The following LRRC7 variants were observed in gnomAD, a reference collection of about 807,000 sequenced individuals.
The protein encoded by LRRC7 is leucine-rich repeat-containing protein 7.
LRRC7 carries 23 observed loss-of-function variants against 175.7 expected under a neutral mutation model. That is an observed-to-expected ratio of 0.13 (90% CI 0.09 to 0.19). The LOEUF is 0.19. Among genes scored for constraint, LRRC7 ranks in the 10% least tolerant of loss-of-function variants. The pLI, the probability that LRRC7 is intolerant of heterozygous loss-of-function variation, is 1.00. For missense variants in LRRC7, 1,354 were observed against 1,904.7 expected (o/e 0.71, Z 5.38); for synonymous variants, 685 against 680.9 (o/e 1.01, Z -0.09).
intron 7 of LRRC7, among the ~76,000 whole-genome samples, chr1:69,860,061 T>C (rs1453641727): frequency 2.0e-5 from 3 of 152,192 alleles, no homozygotes; most frequent in African/African-American, 7.2e-5. Context: ...ATTCCTATTA[T>C]GTTTTTCTTT....
At chr1:69,635,434 G>T (rs1431511350) in intron 1 of LRRC7, among the ~76,000 whole-genome samples, 1 of 152,030 alleles carries the variant, frequency 6.6e-6, no homozygotes, top group Non-Finnish European at 1.5e-5. Flanking sequence ...AAAGGATAAT[G>T]CAGTTATTTT....
At chr1:70,107,880 C>T (rs1479609470) in intron 26 of LRRC7, 54 bp downstream of exon 26, 1 of 1,339,054 alleles carries the variant, frequency 7.5e-7, no homozygotes. Context: ...AAATATGTAA[C>T]CATGTTACCA....
chr1:69,642,116 A>G (rs1314956713), intron 1 of LRRC7, among the ~76,000 whole-genome samples: 4 of 151,964 alleles, frequency 2.6e-5, no homozygotes, highest in Non-Finnish European at 4.4e-5. Flanking sequence ...AAGCAATAAT[A>G]GTTTACAAGG....
chr1:69,948,033 G>A (rs886166899), intron 8 of LRRC7, among the ~76,000 whole-genome samples: 1 of 152,130 alleles, frequency 6.6e-6, no homozygotes, highest in African/African-American at 2.4e-5. Context: ...CAGGTGGGTA[G>A]TGGGTACAGC....
At chr1:69,695,916 C>T (rs1377570364) in intron 2 of LRRC7, among the ~76,000 whole-genome samples, 1 of 152,178 alleles carries the variant, frequency 6.6e-6, no homozygotes, top group East Asian at 1.9e-4. Context: ...ATCCTGGGTG[C>T]CCAAGCAGAA....
At chr1:69,809,911 G>T (rs1677617634) in intron 4 of LRRC7, among the ~76,000 whole-genome samples, 1 of 152,170 alleles carries the variant, frequency 6.6e-6, no homozygotes, top group Admixed American at 6.6e-5. Flanking sequence ...AGTATTGGAA[G>T]TTCTGGCCAG....
At chr1:70,061,584 T>A (rs1181591650) in intron 23 of LRRC7, among the ~76,000 whole-genome samples, 1 of 152,168 alleles carries the variant, frequency 6.6e-6, no homozygotes, top group African/African-American at 2.4e-5. Flanking sequence ...TTATAATTTT[T>A]AATTTAAAAA....
At chr1:69,652,954 G>C (rs1240171003) in intron 1 of LRRC7, among the ~76,000 whole-genome samples, 1 of 151,870 alleles carries the variant, frequency 6.6e-6, no homozygotes. Context: ...ACTCAAAATG[G>C]ATTAAAAATT....
chr1:69,665,466 C>CTT (rs1269760894), intron 1 of LRRC7, among the ~76,000 whole-genome samples: 1 of 151,976 alleles, frequency 6.6e-6, no homozygotes, highest in African/African-American at 2.4e-5. Context: ...CATGGAATAT[C>CTT]TTTCATTTTT....
rs947957385 is a variant in LRRC7 at position 69,860,345 on chromosome 1, A to G, written c.647+22062A>G. Among the ~76,000 whole-genome samples the G allele has an allele frequency of 7.9e-5, 12 of 151,998 alleles. No individual in the cohort carries two copies. In the East Asian group the frequency reaches 2.3e-3, roughly 29 times the overall value. On this transcript the variant is annotated intron_variant, in intron 7 of 26. Transcript: ENST00000651989. ...AACTCACAAAGTATAATTATAATAT[A>G]GGTACCATGATCAGTTCCCATTTTA...
At chr1:69,588,788 CTG>C (rs925088836) in intron 1 of LRRC7, among the ~76,000 whole-genome samples, 24 of 152,132 alleles carry the variant, frequency 1.6e-4, no homozygotes, top group African/African-American at 5.8e-4. Flanking sequence ...TTTATAGTCA[CTG>C]TCACAAATTC....
intron 7 of LRRC7, among the ~76,000 whole-genome samples, chr1:69,908,131 G>A (rs150451891): frequency 2.7e-4 from 41 of 151,986 alleles, no homozygotes; most frequent in East Asian, 1.9e-3. Flanking sequence ...TTTTTATTGC[G>A]TCTATTTCAT....
At chr1:69,732,170 A>G (rs1667645087) in intron 2 of LRRC7, among the ~76,000 whole-genome samples, 1 of 152,128 alleles carries the variant, frequency 6.6e-6, no homozygotes, top group Admixed American at 6.6e-5. Context: ...GCTAGTTTTT[A>G]AAATACTGAC....
intron 4 of LRRC7, among the ~76,000 whole-genome samples, chr1:69,824,124 A>G (rs972108552): frequency 3.9e-5 from 6 of 152,160 alleles, no homozygotes; most frequent in Non-Finnish European, 8.8e-5. Context: ...TTCTGCCTCC[A>G]TGTCCTGATT....
At chr1:69,704,441 A>G (rs1663768289) in intron 2 of LRRC7, among the ~76,000 whole-genome samples, 2 of 152,032 alleles carry the variant, frequency 1.3e-5, no homozygotes, top group South Asian at 2.1e-4. Context: ...CATCAATAAA[A>G]TAAGAAATAT....
chr1:70,060,509 G>A (rs890560463), intron 23 of LRRC7, among the ~76,000 whole-genome samples: 10 of 152,126 alleles, frequency 6.6e-5, no homozygotes, highest in Admixed American at 6.6e-4. Context: ...GGTCCCTTAT[G>A]TCAAAAGGTT....
chr1:69,994,516 C>T, intron 10 of LRRC7, 45 bp from the exon 11 acceptor site: 2 of 1,267,452 alleles, frequency 1.6e-6, no homozygotes, highest in Non-Finnish European at 2.3e-6. Context: ...CATTTCCTGT[C>T]ATAATCTGCT....
intron 25 of LRRC7, among the ~76,000 whole-genome samples, chr1:70,102,349 G>A (rs1664858248): frequency 6.6e-6 from 1 of 152,220 alleles, no homozygotes; most frequent in East Asian, 1.9e-4. Flanking sequence ...AGGTGCCAAT[G>A]TCCCCTTATT....
At chr1:69,881,848 C>A (rs150884186) in intron 7 of LRRC7, among the ~76,000 whole-genome samples, 8 of 150,304 alleles carry the variant, frequency 5.3e-5, no homozygotes, top group African/African-American at 1.7e-4. Flanking sequence ...CCACTGCACT[C>A]CAGCCTGGGT....
Sources: gnomAD v4.1 joint callset for allele counts (sites outside exome capture counted in the v4.1 genomes callset) on GRCh38, gnomAD v4.1.1 for gene constraint, MANE v1.5 for transcripts, NCBI Gene and HGNC (gene_info 2026-07-23, HGNC 2026-07-21) for gene names.